SLC25A21: variants seen among roughly 807,000 people sequenced by gnomAD.
SLC25A21 encodes the protein solute carrier family 25 member 21, also known as mitochondrial 2-oxodicarboxylate carrier.
A neutral mutation model predicts 43.8 loss-of-function variants in SLC25A21; 47 were observed. The observed-to-expected ratio is 1.07, with a 90% confidence interval of 0.85 to 1.37. SLC25A21 has a LOEUF of 1.37. Among genes scored for constraint, SLC25A21 ranks in the 40% most tolerant of loss-of-function variants. SLC25A21 has a pLI of 0.00. For synonymous variants in SLC25A21, 131 were observed against 121.3 expected, an observed-to-expected ratio of 1.08 and a Z score of -0.52; for missense variants, 352 against 350.2, an observed-to-expected ratio of 1.00 and a Z score of -0.04.
At chr14:37,150,353 T>C (rs1180590208) in intron 1 of SLC25A21, among the ~76,000 whole-genome samples, 2 of 152,166 alleles carry the variant, frequency 1.3e-5, no homozygotes, top group Admixed American at 1.3e-4. Context: ...AATTCAAATT[T>C]TACGGCAAGA....
chr14:37,054,013 T>C (rs907916300), intron 1 of SLC25A21, among the ~76,000 whole-genome samples: 7 of 152,212 alleles, frequency 4.6e-5, no homozygotes, highest in African/African-American at 1.7e-4. Context: ...GTAAAATGTA[T>C]TTCCCTTCTG....
intron 2 of SLC25A21, among the ~76,000 whole-genome samples, chr14:36,834,530 G>T (rs190516909): frequency 1.1e-3 from 170 of 152,230 alleles, no homozygotes; most frequent in African/African-American, 4.0e-3. Flanking sequence ...TTGGTACGTT[G>T]ATTTCTCAGT....
At chr14:36,781,209 T>C (rs1594582376) in intron 3 of SLC25A21, among the ~76,000 whole-genome samples, 1 of 152,164 alleles carries the variant, frequency 6.6e-6, no homozygotes, top group African/African-American at 2.4e-5. Flanking sequence ...GCTTATTGTG[T>C]CCTTAAAGCT....
chr14:36,827,645 T>G (rs1184594656), intron 2 of SLC25A21, among the ~76,000 whole-genome samples: 1 of 152,232 alleles, frequency 6.6e-6, no homozygotes, highest in East Asian at 1.9e-4. Flanking sequence ...CCAAGATAAC[T>G]TTCTACAATG....
chr14:36,905,529 A>G (rs1891511951), intron 1 of SLC25A21, among the ~76,000 whole-genome samples: 1 of 152,190 alleles, frequency 6.6e-6, no homozygotes, highest in Admixed American at 6.5e-5. Flanking sequence ...CAGCAGGAAC[A>G]TTATTCTATT....
intron 1 of SLC25A21, among the ~76,000 whole-genome samples, chr14:37,025,348 T>C (rs1289285355): frequency 6.6e-6 from 1 of 152,138 alleles, no homozygotes; most frequent in African/African-American, 2.4e-5. Flanking sequence ...GAAAGAACTC[T>C]GGGAACTACA....
intron 1 of SLC25A21, among the ~76,000 whole-genome samples, chr14:37,128,959 G>A (rs1249010028): frequency 6.6e-6 from 1 of 152,116 alleles, no homozygotes; most frequent in African/African-American, 2.4e-5. Flanking sequence ...AAAAGCATTA[G>A]CCACCTGTGG....
At position 37,172,451 on chromosome 14, in the gene SLC25A21, C is replaced by T. The variant is rs1232235403; in HGVS notation, c.-101G>A. The T allele has an allele frequency of 3.7e-5, 46 of 1,257,430 alleles. No homozygotes were observed. The highest frequency in any genetic ancestry group is 5.2e-5 in the Non-Finnish European group (46 of 879,092). 77.9% of individuals were successfully genotyped at this position (1,257,430 alleles called of 1,614,324 possible). A position where few individuals can be genotyped will look rare whatever the true frequency, so the allele number is the denominator to read the frequency against. ...AGAGAGCCCCGGCTGGGCTGGTCCT[C>T]AAGCGCGTTGGCTCCCTGTGGAGCA... On this transcript the variant is annotated 5_prime_UTR_variant, in exon 1 of 10. Transcript: ENST00000331299.
chr14:36,703,126 A>T (rs1883353465), intron 7 of SLC25A21, among the ~76,000 whole-genome samples: 1 of 152,248 alleles, frequency 6.6e-6, no homozygotes, highest in Non-Finnish European at 1.5e-5. Context: ...GATTGGTAAG[A>T]CTAATGATGG....
At chr14:37,045,182 A>G (rs1411703477) in intron 1 of SLC25A21, among the ~76,000 whole-genome samples, 1 of 152,216 alleles carries the variant, frequency 6.6e-6, no homozygotes, top group Non-Finnish European at 1.5e-5. Flanking sequence ...CTGAGTATGC[A>G]GTTACCTAGA....
intron 3 of SLC25A21, among the ~76,000 whole-genome samples, chr14:36,794,114 T>C (rs1436951938): frequency 6.6e-6 from 1 of 152,066 alleles, no homozygotes; most frequent in East Asian, 1.9e-4. Flanking sequence ...GGCACTTGCA[T>C]AGATAAAGGT....
intron 4 of SLC25A21, among the ~76,000 whole-genome samples, chr14:36,731,882 G>A (rs985642701): frequency 2.0e-5 from 3 of 152,110 alleles, no homozygotes; most frequent in African/African-American, 7.2e-5. Flanking sequence ...TCTCAACCCA[G>A]GGAGTCCCCT....
At chr14:36,975,229 GA>G (rs149334439) in intron 1 of SLC25A21, among the ~76,000 whole-genome samples, 13,711 of 152,222 alleles carry the variant, frequency 0.09, 827 homozygotes, top group Non-Finnish European at 0.14. Flanking sequence ...AGAGGGTGTG[GA>G]AGCACTGTGG....
chr14:37,141,379 C>T (rs1963567885), intron 1 of SLC25A21, among the ~76,000 whole-genome samples: 1 of 152,000 alleles, frequency 6.6e-6, no homozygotes, highest in South Asian at 2.1e-4. Flanking sequence ...ACACATAAAA[C>T]ACACAAAAAA....
chr14:36,741,397 A>G (rs1477391621), intron 3 of SLC25A21, among the ~76,000 whole-genome samples: 2 of 152,212 alleles, frequency 1.3e-5, no homozygotes, highest in African/African-American at 4.8e-5. Context: ...CCATAAAACT[A>G]AACTGATACA....
At chr14:36,853,289 T>A (rs558574421) in intron 2 of SLC25A21, among the ~76,000 whole-genome samples, 1 of 150,538 alleles carries the variant, frequency 6.6e-6, no homozygotes, top group Non-Finnish European at 1.5e-5. Context: ...CAGTGAATGC[T>A]GTACTTAAGT....
At chr14:36,874,876 G>C in intron 2 of SLC25A21, 80 bp downstream of exon 2, 1 of 1,202,466 alleles carries the variant, frequency 8.3e-7, no homozygotes. Flanking sequence ...CCTGGGACAA[G>C]TCCTAGCATT....
chr14:37,029,636 T>C (rs8011174), intron 1 of SLC25A21, among the ~76,000 whole-genome samples: 71,287 of 151,936 alleles, frequency 0.47, 19,747 homozygotes, highest in African/African-American at 0.79. Context: ...AAGTCACTTG[T>C]CTTACTCTGA....
chr14:36,887,562 C>CAA lies in SLC25A21; in HGVS notation c.71-12560_71-12559dup, dbSNP rs11425888. Among the ~76,000 whole-genome samples, 590 of 141,778 alleles carry CAA rather than the reference C, an allele frequency of 4.2e-3. 9 individuals carry two copies. The highest frequency in any genetic ancestry group is 6.1e-3 in the African/African-American group (226 of 36,972). The allele number at this position is 141,778 out of a possible 152,430, so 93.0% of individuals were successfully genotyped here. On this transcript the variant is annotated intron_variant, in intron 1 of 9. Transcript: ENST00000331299. ...TGGGCAAGACAGCAAGACTCCATTG[C>CAA]AAAAAAAAAAAAAGGAAAAAAATTG...
Sources: gnomAD v4.1 joint callset for allele counts (sites outside exome capture counted in the v4.1 genomes callset) on GRCh38, gnomAD v4.1.1 for gene constraint, MANE v1.5 for transcripts, NCBI Gene and HGNC (gene_info 2026-07-23, HGNC 2026-07-21) for gene names.